ZNF385A: variants seen among roughly 807,000 people sequenced by gnomAD.
ZNF385A encodes the protein zinc finger protein 385A.
Under a neutral mutation model 32.1 loss-of-function variants are expected in ZNF385A, and 14 were observed. The ratio of observed to expected loss-of-function variants is 0.44; its 90% CI spans 0.29 to 0.68. The LOEUF is 0.68. ZNF385A is among the 30% of genes least tolerant of loss of function. The probability of loss-of-function intolerance (pLI) is 0.14; values close to 1 mark genes in which losing one functional copy is unlikely to be tolerated. For synonymous variants in ZNF385A, 197 were observed against 202.7 expected (o/e 0.97, Z 0.24); for missense variants, 406 against 478.4 (o/e 0.85, Z 1.41).
At chr12:54,384,779 G>C, upstream of ZNF385A, 1 of 1,241,782 alleles carries the variant, frequency 8.1e-7, no homozygotes, top group Non-Finnish European at 1.0e-6. Flanking sequence ...TTCCCTTCTG[G>C]GTGGTTTTCA....
upstream of ZNF385A, chr12:54,385,354 C>A (rs942231365): frequency 6.6e-6 from 1 of 152,322 alleles, no homozygotes; most frequent in African/African-American, 2.4e-5. Context: ...ATTCAACTAC[C>A]CTTCTCTGAA....
At chr12:54,376,689 C>T (rs1019699610) in intron 1 of ZNF385A, among the ~76,000 whole-genome samples, 4 of 152,102 alleles carry the variant, frequency 2.6e-5, no homozygotes, top group Admixed American at 6.5e-5. Flanking sequence ...TGGGGCTGGG[C>T]GGGATTAGGA....
Position 54,370,310 on chromosome 12 carries a change from C to T in ZNF385A, c.1047G>A (p.Pro349=), listed in dbSNP as rs1272085706. The T allele has an allele frequency of 1.3e-6, 2 of 1,490,038 alleles. No individual in the cohort carries two copies. Among genetic ancestry groups the T allele is most frequent in the Non-Finnish European group, 8.9e-7 (1 of 1,119,414 alleles). 92.3% of individuals were successfully genotyped at this position (1,490,038 alleles called of 1,614,324 possible). The change falls in exon 7 of 7, where the codon CCG becomes CCA. Residue 349 remains proline, a synonymous_variant. Coordinates refer to ENST00000394313, the MANE Select transcript of ZNF385A (RefSeq NM_015481.3). This position sits in a 1 kb window ranked among gnomAD's most constrained non-coding sequence, Gnocchi z 5.5. ...GCGCAGTTCGGATGGGTCCGGGGGC[C>T]GGGTGAAGCAGAGGGTGAGTGATCG... The part of the protein sequence containing the change: ...GPPITHPLLH[P]APGPIRTAHG...
chr12:54,370,303 CG>C lies in ZNF385A; in HGVS notation c.1053del (p.Gly352AspfsTer94), dbSNP rs1565608878. 3.4e-6 allele frequency: 5 copies of C among 1,488,940 alleles called. No individual in the cohort carries two copies. Among genetic ancestry groups the C allele is most frequent in the Admixed American group, 2.5e-5 (1 of 40,258 alleles). The allele number at this position is 1,488,940 out of a possible 1,614,324, so 92.2% of individuals were successfully genotyped here. A position where few individuals can be genotyped will look rare whatever the true frequency, so the allele number is the denominator to read the frequency against. On this transcript the variant is annotated frameshift_variant, in exon 7 of 7. Transcript: ENST00000394313. LOFTEE classifies it high-confidence loss of function. The surrounding 1 kb of genome is among the most constrained non-coding windows in gnomAD (Gnocchi z 5.5). ...GGTCCGTGCGCAGTTCGGATGGGTC[CG>C]GGGGCCGGGTGAAGCAGAGGGTGAG... ...PITHPLLHPA[P>X]GPIRTAHGPI...
In ZNF385A at chr12:54,370,819, C is replaced by G; in HGVS notation, c.775-98G>C. The G allele has an allele frequency of 6.3e-7, 1 of 1,597,520 alleles. No homozygotes were observed. The highest frequency in any genetic ancestry group is 8.5e-7 in the Non-Finnish European group (1 of 1,171,868). On this transcript the variant is annotated intron_variant, in intron 5 of 6. Coordinates refer to ENST00000394313, the MANE Select transcript of ZNF385A (RefSeq NM_015481.3). This position sits in a 1 kb window ranked among gnomAD's most constrained non-coding sequence, Gnocchi z 5.5. ...CAAGCACCGGCCCCCTCCCATCTGG[C>G]CCCCTGGGGAAAACTCTGAAGAAGG...
chr12:54,378,521 G>T lies in ZNF385A; in HGVS notation c.88-2567C>A, dbSNP rs1053986890. The stretch of plus-strand genomic sequence containing the variant: ...GGAAACCAGATCAGGAACAGGAGGG[G>T]TGCTATGATTATATTTCCTTCCATT... On this transcript the variant is annotated intron_variant, in intron 1 of 6. Coordinates refer to ENST00000394313, the MANE Select transcript of ZNF385A (RefSeq NM_015481.3). 4.6e-5 allele frequency among the ~76,000 whole-genome samples: 7 copies of T among 152,316 alleles called. 2 individuals carry two copies. Among genetic ancestry groups the T allele is most frequent in the Admixed American group, 6.5e-5 (1 of 15,302 alleles).
rs373707693 is a variant in ZNF385A, at chr12:54,384,528, C to G, written c.-14G>C. 1.7e-4 allele frequency: 264 copies of G among 1,513,836 alleles called. 2 individuals carry two copies. The highest frequency in any genetic ancestry group is 2.6e-6 in the Non-Finnish European group (3 of 1,133,922). 93.8% of individuals were successfully genotyped at this position (1,513,836 alleles called of 1,614,324 possible). ...TGGGGGCTGCATGATCGGGGGCTGC[C>G]GTAGCAGAGGCAGGGGCCCTGCCCG... On this transcript the variant is annotated 5_prime_UTR_variant, in exon 1 of 7. Transcript: ENST00000394313.
chr12:54,373,952 T>C (rs773807053), intron 3 of ZNF385A, 21 bp downstream of exon 3: 16 of 1,457,096 alleles, frequency 1.1e-5, no homozygotes, highest in South Asian at 1.5e-5. Context: ...AGTTGAAGAA[T>C]ATGCGGGGAT....
Position 54,370,820 on chromosome 12 carries a change from C to T in ZNF385A, c.775-99G>A. On this transcript the variant is annotated intron_variant, in intron 5 of 6. Transcript: ENST00000394313. The surrounding 1 kb of genome is among the most constrained non-coding windows in gnomAD (Gnocchi z 5.5). ...AAGCACCGGCCCCCTCCCATCTGGC[C>T]CCCTGGGGAAAACTCTGAAGAAGGG... 4 of 1,599,468 alleles carry T rather than the reference C, an allele frequency of 2.5e-6. No individual in the cohort carries two copies. The highest frequency in any genetic ancestry group is 3.4e-6 in the Non-Finnish European group (4 of 1,173,242).
chr12:54,371,842 C>T, intron 3 of ZNF385A, 127 bp from the exon 4 acceptor site: 2 of 1,352,406 alleles, frequency 1.5e-6, no homozygotes, highest in South Asian at 1.3e-5. Flanking sequence ...TTACAACATG[C>T]ATGCTCTCAT....
At chr12:54,373,329 G>A (rs1954658398) in intron 3 of ZNF385A, among the ~76,000 whole-genome samples, 1 of 152,008 alleles carries the variant, frequency 6.6e-6, no homozygotes, top group African/African-American at 2.4e-5. Context: ...CCAGGATGGG[G>A]GTGGCTCATC....
intron 1 of ZNF385A, chr12:54,379,266 C>G: frequency 1.1e-6 from 1 of 897,774 alleles, no homozygotes; most frequent in South Asian, 5.1e-5. Context: ...GGGCCGAGGA[C>G]GGGGGCGGGG....
At chr12:54,381,604 A>G (rs970280226) in intron 1 of ZNF385A, among the ~76,000 whole-genome samples, 1 of 152,202 alleles carries the variant, frequency 6.6e-6, no homozygotes, top group African/African-American at 2.4e-5. Context: ...AGGTGTTTAG[A>G]TGGGGGGAGG....
At chr12:54,376,087 C>A in intron 1 of ZNF385A, 133 bp from the exon 2 acceptor site, 1 of 668,472 alleles carries the variant, frequency 1.5e-6, no homozygotes, top group Non-Finnish European at 2.7e-6. Context: ...GGGATCTGAG[C>A]CTCAGTCTTC....
chr12:54,382,017 A>C (rs1955207458), intron 1 of ZNF385A, among the ~76,000 whole-genome samples: 1 of 152,092 alleles, frequency 6.6e-6, no homozygotes, highest in Non-Finnish European at 1.5e-5. Flanking sequence ...CACCAGGCAC[A>C]GTACCCAGCA....
In ZNF385A at chr12:54,370,633, T is replaced by C; in HGVS notation, c.863A>G (p.Glu288Gly). ...CCAGCATCCAGGCCTCACCGCCAGC[T>C]CCCCGGCGCCCCTAGACTTCTTGTG... ...SRHKKSRGAGELAGTLTFSKE... is the reference protein window; with the variant it reads ...SRHKKSRGAGGLAGTLTFSKE... The change falls in exon 6 of 7, where the codon GAG becomes GGG. Residue 288 changes from glutamate to glycine, a missense_variant. Physicochemically the swap from Glu to Gly is moderately conservative, Grantham distance 98. Coordinates refer to ENST00000394313, the MANE Select transcript of ZNF385A (RefSeq NM_015481.3). The surrounding 1 kb of genome is among the most constrained non-coding windows in gnomAD (Gnocchi z 5.5). 1.2e-6 allele frequency: 2 copies of C among 1,600,220 alleles called. No individual in the cohort carries two copies. The highest frequency in any genetic ancestry group is 1.7e-6 in the Non-Finnish European group (2 of 1,174,078).
chr12:54,382,663 G>A (rs1390873878), intron 1 of ZNF385A, among the ~76,000 whole-genome samples: 5 of 152,172 alleles, frequency 3.3e-5, no homozygotes, highest in Non-Finnish European at 5.9e-5. Flanking sequence ...TGTAGTCAAT[G>A]CTCAATACAT....
Position 54,370,197 on chromosome 12 carries a change from C to G in ZNF385A, c.*59G>C. ...CGGGAGGAGGGGCGGGCTGGGAGCC[C>G]GGACGCCTGGGTCCCGGCTGGAGGT... is the stretch of plus-strand genomic sequence containing the variant. On this transcript the variant is annotated 3_prime_UTR_variant, in exon 7 of 7. Transcript: ENST00000394313. This position sits in a 1 kb window ranked among gnomAD's most constrained non-coding sequence, Gnocchi z 5.5. 7.5e-7 allele frequency: 1 copy of G among 1,328,938 alleles called. No homozygotes were observed. Among genetic ancestry groups the G allele is most frequent in the Non-Finnish European group, 9.9e-7 (1 of 1,009,106 alleles). 82.3% of individuals were successfully genotyped at this position (1,328,938 alleles called of 1,614,324 possible).
At chr12:54,379,325 T>C (rs1186815344) in intron 1 of ZNF385A, 1 of 392,716 alleles carries the variant, frequency 2.5e-6, no homozygotes, top group East Asian at 1.6e-4. Context: ...GAAAGGGGGC[T>C]AGGGCGGAAA....
Sources: allele counts gnomAD v4.1 joint callset (sites outside exome capture counted in the v4.1 genomes callset), GRCh38; gene constraint gnomAD v4.1.1; non-coding constraint Gnocchi (gnomAD v3.1); transcripts MANE v1.5; gene names NCBI Gene and HGNC (gene_info 2026-07-23, HGNC 2026-07-21).